The following SLC35F4 variants were observed in gnomAD, a reference collection of about 807,000 sequenced individuals.
SLC35F4 encodes the protein chromosome 14 open reading frame 36.
SLC35F4 carries 24 observed loss-of-function variants against 44.2 expected under a neutral mutation model. The observed-to-expected ratio is 0.54, with a 90% CI of 0.39 to 0.76. The LOEUF is 0.76. Among genes scored for constraint, SLC35F4 ranks in the 30% least tolerant of loss-of-function variants. The pLI, the probability that SLC35F4 is intolerant of heterozygous loss-of-function variation, is 0.00. For missense variants in SLC35F4, 562 were observed against 586.1 expected, an observed-to-expected ratio of 0.96 and a Z score of 0.42; for synonymous variants, 238 against 223.6, an observed-to-expected ratio of 1.06 and a Z score of -0.57.
chr14:57,883,410 T>A (rs577162941), intron 1 of SLC35F4, among the ~76,000 whole-genome samples: 6 of 152,276 alleles, frequency 3.9e-5, no homozygotes, highest in African/African-American at 1.4e-4. Context: ...AAAAGCTCCA[T>A]CACGCAAACG....
chr14:57,589,376 C>A lies in SLC35F4; in HGVS notation c.427G>T (p.Val143Phe), dbSNP rs1331321847. ...LIILSVSSSW[V>F]GTTQIVKITY... ...ATTTTTACAATCTGTGTAGTTCCAA[C>A]CCAAGATGATGATACTGACAAGATG... The change falls in exon 3 of 8, where the codon GTT becomes TTT. Residue 143 changes from valine (V) to phenylalanine (F), a missense_variant. Val to Phe is a conservative substitution (Grantham distance 50). Transcript: ENST00000556826. 1 of 1,613,814 alleles carries A rather than the reference C, an allele frequency of 6.2e-7. No homozygotes were observed. The highest frequency in any genetic ancestry group is 8.5e-7 in the Non-Finnish European group (1 of 1,179,872).
intron 1 of SLC35F4, among the ~76,000 whole-genome samples, chr14:57,965,499 G>T (rs1341906146): frequency 2.0e-5 from 3 of 152,068 alleles, no homozygotes; most frequent in Non-Finnish European, 4.4e-5. Context: ...ATACCCACAG[G>T]TTCCAGGGAT....
chr14:57,610,634 T>G (rs2071437967), intron 1 of SLC35F4, among the ~76,000 whole-genome samples: 1 of 152,194 alleles, frequency 6.6e-6, no homozygotes, highest in African/African-American at 2.4e-5. Context: ...AATGAAATGT[T>G]GTAGGAGCAT....
chr14:57,656,908 C>T (rs2140222526), intron 1 of SLC35F4, among the ~76,000 whole-genome samples: 1 of 152,202 alleles, frequency 6.6e-6, no homozygotes, highest in East Asian at 1.9e-4. Context: ...CAATTGTCAC[C>T]ATCATGACTA....
chr14:57,803,215 C>T (rs1051435274), intron 1 of SLC35F4, among the ~76,000 whole-genome samples: 14 of 152,154 alleles, frequency 9.2e-5, no homozygotes, highest in Admixed American at 2.6e-4. Context: ...ACACGATTAT[C>T]TCAATAGATG....
chr14:57,878,389 G>T lies in SLC35F4; in HGVS notation n.282+103524C>A, dbSNP rs535815988. On this transcript the variant is annotated intron_variant and non_coding_transcript_variant, in intron 1 of 1. Transcript: ENST00000556568. ...AAACTTCTGCTTAAACAACTGAATG[G>T]TTCAACAGGACTCTTAGCATGAATC... Among the ~76,000 whole-genome samples the T allele has an allele frequency of 9.9e-5, 15 of 152,162 alleles. No homozygotes were observed. In the South Asian group the frequency reaches 2.9e-3, roughly 29 times the overall value.
Position 57,881,198 on chromosome 14 carries a change from G to A in SLC35F4, n.282+100715C>T, listed in dbSNP as rs536590312. The stretch of plus-strand genomic sequence containing the variant: ...ATTGATTAGCTGTAGGGTCAGCTCA[G>A]TATACTTTCAGATTCTGACCCTAGA... On this transcript the variant is annotated intron_variant and non_coding_transcript_variant, in intron 1 of 1. Coordinates refer to the SLC35F4 transcript ENST00000556568. Among the ~76,000 whole-genome samples the A allele has an allele frequency of 6.6e-5, 10 of 152,216 alleles. No individual in the cohort carries two copies. The South Asian group carries it at 2.1e-3, about 32-fold the overall frequency.
Position 57,566,538 on chromosome 14 carries a change from C to A in SLC35F4, c.1153G>T (p.Val385Leu). Residue 385 changes from valine to leucine, a missense_variant, in exon 7 of 8, where the codon GTG (valine) becomes TTG (leucine). Transcript: ENST00000556826. ...LAFNILVNVG[V>L]VLTYPILISI... ...ATTAGGATTGGGTATGTCAGCACCA[C>A]CCCAACATTCACCAGGATGTTGAAG... 6.2e-7 allele frequency: 1 copy of A among 1,602,018 alleles called. No individual in the cohort carries two copies. Among genetic ancestry groups the A allele is most frequent in the Non-Finnish European group, 8.5e-7 (1 of 1,174,418 alleles).
rs186206978 is a variant in SLC35F4 at position 57,926,215 on chromosome 14, C to G, written n.282+55698G>C. 2.0e-5 allele frequency among the ~76,000 whole-genome samples: 3 copies of G among 152,350 alleles called. No homozygotes were observed. The East Asian group carries it at 5.8e-4, about 29-fold the overall frequency. ...AACCGTAAAGCCCTGGAGGCAGAGC[C>G]TCTGTCACTAACCTTTTTACACCCC... On this transcript the variant is annotated intron_variant and non_coding_transcript_variant, in intron 1 of 1. Coordinates refer to the SLC35F4 transcript ENST00000556568.
At chr14:57,750,102 C>T (rs2076848489) in intron 1 of SLC35F4, among the ~76,000 whole-genome samples, 1 of 151,772 alleles carries the variant, frequency 6.6e-6, no homozygotes, top group East Asian at 1.9e-4. Flanking sequence ...CATATGTACA[C>T]ATTTTTAGCA....
intron 1 of SLC35F4, among the ~76,000 whole-genome samples, chr14:57,721,979 G>A (rs2076096405): frequency 7.9e-6 from 1 of 126,450 alleles, no homozygotes; most frequent in Non-Finnish European, 1.8e-5. Context: ...TTTTCTTCCA[G>A]ATCTATAACT....
chr14:57,855,033 T>C (rs1169990605), intron 1 of SLC35F4, among the ~76,000 whole-genome samples: 1 of 152,232 alleles, frequency 6.6e-6, no homozygotes, highest in Non-Finnish European at 1.5e-5. Flanking sequence ...AAAGTGAGCA[T>C]GGTTCTTTGA....
intron 6 of SLC35F4, 93 bp from the exon 7 acceptor site, chr14:57,566,657 T>G: frequency 1.6e-6 from 2 of 1,268,190 alleles, no homozygotes; most frequent in Non-Finnish European, 2.2e-6. Flanking sequence ...CTTTGCTACA[T>G]GTGCCTTTTA....
chr14:57,624,196 C>A lies in SLC35F4; in HGVS notation c.104-30072G>T, dbSNP rs142337172. Among the ~76,000 whole-genome samples, 93 of 152,286 alleles carry A rather than the reference C, an allele frequency of 6.1e-4. 1 individual carries two copies. The highest frequency in any genetic ancestry group is 2.2e-3 in the African/African-American group (90 of 41,564). Reference sequence around the variant, plus strand: ...CCTCTACACAAATAAACTAGAAAATCTAGAAGAAGTGGATAAATTCCTGGA... The same window carrying A: ...CCTCTACACAAATAAACTAGAAAATATAGAAGAAGTGGATAAATTCCTGGA... On this transcript the variant is annotated intron_variant, in intron 1 of 7. Transcript: ENST00000556826.
At chr14:57,899,726 G>T (rs1888958414) in intron 1 of SLC35F4, among the ~76,000 whole-genome samples, 1 of 152,140 alleles carries the variant, frequency 6.6e-6, no homozygotes, top group Admixed American at 6.5e-5. Flanking sequence ...TTTTGCTTTG[G>T]TGGCATTCTT....
chr14:57,729,321 C>T (rs551151161), intron 1 of SLC35F4, among the ~76,000 whole-genome samples: 4 of 152,138 alleles, frequency 2.6e-5, no homozygotes, highest in South Asian at 2.1e-4. Flanking sequence ...AGTCTTTTAC[C>T]GTAGCCACAA....
rs114173729 is a variant in SLC35F4, at chr14:57,619,205, C to T, written c.104-25081G>A. Reference sequence around the variant, plus strand: ...TTTGAGCTCTGCTAAGGGTCAGACTCCCTCCTCAAGTGAGTCCCTGACCCC... The same window carrying T: ...TTTGAGCTCTGCTAAGGGTCAGACTTCCTCCTCAAGTGAGTCCCTGACCCC... On this transcript the variant is annotated intron_variant, in intron 1 of 7. Coordinates refer to ENST00000556826, the MANE Select transcript of SLC35F4 (RefSeq NM_001306087.2). Among the ~76,000 whole-genome samples, 803 of 152,266 alleles carry T rather than the reference C, an allele frequency of 5.3e-3. 7 individuals carry two copies. The highest frequency in any genetic ancestry group is 0.018 in the African/African-American group (751 of 41,556).
intron 1 of SLC35F4, among the ~76,000 whole-genome samples, chr14:57,807,531 C>T (rs1299070653): frequency 1.3e-5 from 2 of 151,882 alleles, no homozygotes; most frequent in African/African-American, 4.9e-5. Context: ...TCCAACAGGG[C>T]TGTAGCAAAA....
At chr14:57,912,689 A>G (rs775172131) in intron 1 of SLC35F4, among the ~76,000 whole-genome samples, 3 of 152,030 alleles carry the variant, frequency 2.0e-5, no homozygotes, top group Non-Finnish European at 4.4e-5. Context: ...GGCCCAGAAT[A>G]TGGCTTATCT....
Sources: gnomAD v4.1 joint callset for allele counts (sites outside exome capture counted in the v4.1 genomes callset) on GRCh38, gnomAD v4.1.1 for gene constraint, MANE v1.5 for transcripts, NCBI Gene and HGNC (gene_info 2026-07-23, HGNC 2026-07-21) for gene names.